Variants in ATP2C1 observed in about 807,000 individuals in gnomAD.
The protein encoded by ATP2C1 is ATPase secretory pathway Ca2+ transporting 1.
ATP2C1 carries 31 observed loss-of-function variants against 120.5 expected under a neutral mutation model. That is an observed-to-expected ratio of 0.26 (90% CI 0.19 to 0.35). The LOEUF (loss-of-function observed/expected upper bound fraction) is 0.35. Ranked by LOEUF, ATP2C1 falls within the 10% of genes least tolerant of loss-of-function variation. ATP2C1 has a pLI of 1.00. For synonymous variants in ATP2C1, 351 were observed against 358.7 expected (o/e 0.98, Z 0.24); for missense variants, 731 against 1,107.5 (o/e 0.66, Z 4.83).
chr3:130,992,822 A>G, intron 20 of ATP2C1, 129 bp from the exon 21 acceptor site: 1 of 735,802 alleles, frequency 1.4e-6, no homozygotes, highest in Non-Finnish European at 2.4e-6. Context: ...ATATTGCTTA[A>G]GCTTGATCTC....
chr3:130,866,363 A>T (rs957047069), intron 1 of ATP2C1, among the ~76,000 whole-genome samples: 4 of 152,168 alleles, frequency 2.6e-5, no homozygotes, highest in Admixed American at 1.3e-4. Flanking sequence ...TATCCAACTT[A>T]TTTTCTTTAA....
intron 8 of ATP2C1, among the ~76,000 whole-genome samples, chr3:130,946,382 G>T (rs1033301337): frequency 6.6e-6 from 1 of 152,190 alleles, no homozygotes; most frequent in African/African-American, 2.4e-5. Context: ...TGTTTTCAGG[G>T]CTTGTTCCTT....
At chr3:130,968,332 G>T (rs1440328796) in intron 16 of ATP2C1, among the ~76,000 whole-genome samples, 1 of 152,090 alleles carries the variant, frequency 6.6e-6, no homozygotes, top group African/African-American at 2.4e-5. Context: ...CTTTTTATGG[G>T]CAGAGACCTC....
At position 130,963,954 on chromosome 3, in the gene ATP2C1, G is replaced by T. The variant is rs2060940273; in HGVS notation, c.900-17G>T. The T allele has an allele frequency of 2.0e-5, 33 of 1,611,934 alleles. No individual in the cohort carries two copies. The East Asian group carries it at 7.4e-4, about 36-fold the overall frequency. ...TGTTTAACCTACATTTTAATACTTT[G>T]TATATGTTGGTTATAGTTTGGCTGT... On this transcript the variant is annotated splice_polypyrimidine_tract_variant and intron_variant, in intron 12 of 27. Coordinates refer to ENST00000510168, the MANE Select transcript of ATP2C1 (RefSeq NM_001378687.1).
chr3:130,865,554 C>G (rs2068145712), intron 1 of ATP2C1, among the ~76,000 whole-genome samples: 1 of 152,216 alleles, frequency 6.6e-6, no homozygotes, highest in Admixed American at 6.5e-5. Flanking sequence ...CTTCTATCTT[C>G]CAGAATTCCC....
At chr3:130,862,141 T>C (rs2068034570) in intron 1 of ATP2C1, among the ~76,000 whole-genome samples, 1 of 132,970 alleles carries the variant, frequency 7.5e-6, no homozygotes. Context: ...GCCTGGCTAA[T>C]TTTTTTTTTT....
chr3:130,951,891 G>C (rs1229167451), intron 8 of ATP2C1, among the ~76,000 whole-genome samples: 1 of 152,076 alleles, frequency 6.6e-6, no homozygotes, highest in Non-Finnish European at 1.5e-5. Context: ...TTGTCTCTTT[G>C]GAGTTATATT....
chr3:130,975,540 T>C (rs1219940020), intron 18 of ATP2C1, 52 bp downstream of exon 18: 1 of 1,569,322 alleles, frequency 6.4e-7, no homozygotes, highest in Admixed American at 1.7e-5. Flanking sequence ...AGCCTTCTTT[T>C]AATTGCAGAT....
intron 2 of ATP2C1, among the ~76,000 whole-genome samples, chr3:130,895,128 G>C (rs759833040): frequency 1.3e-5 from 2 of 152,196 alleles, no homozygotes; most frequent in South Asian, 4.1e-4. Context: ...TGGGGGACAA[G>C]GGGATGGGGC....
At chr3:130,863,126 G>A (rs768117844) in intron 1 of ATP2C1, among the ~76,000 whole-genome samples, 2 of 151,992 alleles carry the variant, frequency 1.3e-5, no homozygotes, top group Non-Finnish European at 2.9e-5. Context: ...ATACACAAGA[G>A]TCCATGCCAT....
rs754745816 is a variant in ATP2C1, at chr3:130,894,762, G to T, written c.-8G>T. ...TAGCCATCAACCCGAGTGCAGTTTCGATGGAAAATGAAGGTAAAGGCCCCT... is the reference window on the plus strand; with the variant it reads ...TAGCCATCAACCCGAGTGCAGTTTCTATGGAAAATGAAGGTAAAGGCCCCT... On this transcript the variant is annotated 5_prime_UTR_variant, in exon 2 of 28. Coordinates refer to ENST00000510168, the MANE Select transcript of ATP2C1 (RefSeq NM_001378687.1). The surrounding 1 kb of genome is among the most constrained non-coding windows in gnomAD (Gnocchi z 4.5). 3.1e-6 allele frequency: 5 copies of T among 1,614,176 alleles called. No individual in the cohort carries two copies. The East Asian group carries it at 1.1e-4, about 36-fold the overall frequency.
At chr3:130,893,903 AAGTCTCGGCCTT>A, upstream of ATP2C1, 1 of 984,904 alleles carries the variant, frequency 1.0e-6, no homozygotes, top group Non-Finnish European at 1.2e-6. Context: ...TTCCGGGCCG[AAGTCTCGGCCTT>A]CACTTCACTT....
chr3:130,958,741 T>A (rs2060689087), intron 11 of ATP2C1, among the ~76,000 whole-genome samples: 1 of 152,194 alleles, frequency 6.6e-6, no homozygotes, highest in African/African-American at 2.4e-5. Flanking sequence ...GATTTTTAGA[T>A]GTTAATGCAG....
At chr3:130,878,948 A>G (rs1295199726) in intron 1 of ATP2C1, among the ~76,000 whole-genome samples, 3 of 152,198 alleles carry the variant, frequency 2.0e-5, no homozygotes, top group East Asian at 1.9e-4. Context: ...TTTTTCAGCT[A>G]TTATTTTATT....
intron 1 of ATP2C1, among the ~76,000 whole-genome samples, chr3:130,857,337 T>C (rs1259119063): frequency 6.6e-6 from 1 of 152,184 alleles, no homozygotes; most frequent in African/African-American, 2.4e-5. Flanking sequence ...CCCAAATATG[T>C]CTTCACTATC....
At chr3:130,983,456 C>T (rs1049183196) in intron 20 of ATP2C1, among the ~76,000 whole-genome samples, 2 of 152,202 alleles carry the variant, frequency 1.3e-5, no homozygotes, top group African/African-American at 4.8e-5. Flanking sequence ...ATATTTATTG[C>T]AATTAATGAG....
At chr3:130,918,324 T>C in intron 2 of ATP2C1, 4 of 1,564,312 alleles carry the variant, frequency 2.6e-6, no homozygotes, top group Non-Finnish European at 3.5e-6. Flanking sequence ...TCTTTTTCAG[T>C]CAGGAGTTGT....
In ATP2C1 at chr3:131,002,206, G is replaced by A. The variant is rs1267244925; in HGVS notation, c.*856G>A. ...TTTTTGAGGTAAAGATATATACTTT[G>A]TCAAATATCATTTTGTCATCCTCTA... On this transcript the variant is annotated 3_prime_UTR_variant, in exon 28 of 28. Transcript: ENST00000510168. 1.0e-5 allele frequency: 10 copies of A among 969,442 alleles called. No individual in the cohort carries two copies. The highest frequency in any genetic ancestry group is 1.1e-5 in the Non-Finnish European group (9 of 815,598). The allele number at this position is 969,442 out of a possible 1,614,324, so 60.1% of individuals were successfully genotyped here.
intron 8 of ATP2C1, among the ~76,000 whole-genome samples, chr3:130,947,744 C>T (rs1014897903): frequency 2.0e-5 from 3 of 151,994 alleles, no homozygotes; most frequent in Admixed American, 1.3e-4. Flanking sequence ...TTTTATGTTC[C>T]TCAGTTTCTC....
Sources: allele counts gnomAD v4.1 joint callset (sites outside exome capture counted in the v4.1 genomes callset), GRCh38; gene constraint gnomAD v4.1.1; non-coding constraint Gnocchi (gnomAD v3.1); transcripts MANE v1.5; gene names NCBI Gene and HGNC (gene_info 2026-07-23, HGNC 2026-07-21).